Variants in ERC2 observed in about 807,000 individuals in gnomAD.
ERC2 encodes ELKS/RAB6-interacting/CAST family member 2.
ERC2 carries 42 observed loss-of-function variants against 114.8 expected under a neutral mutation model. The observed-to-expected ratio is 0.37, with a 90% CI of 0.29 to 0.47. The LOEUF (loss-of-function observed/expected upper bound fraction) is 0.47, where lower values mean the gene tolerates loss of function less well. ERC2 is among the 20% of genes least tolerant of loss of function. The pLI is 0.99. For missense variants in ERC2, 939 were observed against 1,150.7 expected (o/e 0.82, Z 2.66); for synonymous variants, 454 against 425.5 (o/e 1.07, Z -0.82).
chr3:56,190,816 C>G (rs1410490346), intron 3 of ERC2, among the ~76,000 whole-genome samples: 1 of 152,076 alleles, frequency 6.6e-6, no homozygotes, highest in East Asian at 1.9e-4. Flanking sequence ...TCAAGAGACC[C>G]TCCCACCTCG....
Position 55,645,886 on chromosome 3 carries a change from T to G in ERC2, c.*39+37908A>C, listed in dbSNP as rs17055631. On this transcript the variant is annotated intron_variant, in intron 17 of 17. Transcript: ENST00000288221. ...ACGGTTAGTACAAACTGGTACCAGC[T>G]TGGCGCAAGGAGAAGAGGGCCCTTT... 9.9e-3 allele frequency among the ~76,000 whole-genome samples: 1,514 copies of G among 152,260 alleles called. 29 individuals carry two copies. The highest frequency in any genetic ancestry group is 0.035 in the African/African-American group (1,440 of 41,564).
intron 4 of ERC2, among the ~76,000 whole-genome samples, chr3:56,158,003 C>T (rs552079118): frequency 7.9e-5 from 12 of 152,302 alleles, no homozygotes; most frequent in Non-Finnish European, 1.3e-4. Flanking sequence ...TGAGCACCAG[C>T]AAGGGAGAGG....
intron 14 of ERC2, among the ~76,000 whole-genome samples, chr3:55,884,132 G>C (rs780502981): frequency 3.3e-5 from 5 of 152,078 alleles, no homozygotes; most frequent in Non-Finnish European, 7.3e-5. Flanking sequence ...ACAATCCACA[G>C]GTATTTACAA....
At chr3:55,671,915 G>A (rs765366634) in intron 17 of ERC2, among the ~76,000 whole-genome samples, 7 of 152,182 alleles carry the variant, frequency 4.6e-5, no homozygotes, top group Admixed American at 3.9e-4. Flanking sequence ...CTGTCTCTCT[G>A]GAGTGTGACA....
intron 3 of ERC2, among the ~76,000 whole-genome samples, chr3:56,199,691 T>G (rs1405217752): frequency 6.6e-6 from 1 of 152,048 alleles, no homozygotes; most frequent in Non-Finnish European, 1.5e-5. Context: ...AATTTTTTTG[T>G]AAAGTCAGGG....
intron 2 of ERC2, among the ~76,000 whole-genome samples, chr3:56,375,174 C>T (rs1021378182): frequency 6.6e-6 from 1 of 152,164 alleles, no homozygotes; most frequent in Non-Finnish European, 1.5e-5. Flanking sequence ...AAAAAGTCTC[C>T]AAACTTCTCT....
At chr3:55,713,037 G>T (rs1576264051) in intron 15 of ERC2, among the ~76,000 whole-genome samples, 1 of 150,956 alleles carries the variant, frequency 6.6e-6, no homozygotes, top group Non-Finnish European at 1.5e-5. Flanking sequence ...GCTGTGCAAT[G>T]CTAATGCTCT....
At chr3:56,422,716 GA>G (rs1232372708) in intron 2 of ERC2, among the ~76,000 whole-genome samples, 3 of 152,176 alleles carry the variant, frequency 2.0e-5, no homozygotes, top group Non-Finnish European at 4.4e-5. Flanking sequence ...ACAGTGGAAA[GA>G]GCACAATTTT....
intron 14 of ERC2, among the ~76,000 whole-genome samples, chr3:55,811,535 T>C (rs1161384474): frequency 6.6e-6 from 1 of 152,222 alleles, no homozygotes; most frequent in Non-Finnish European, 1.5e-5. Flanking sequence ...AAAATTAGTC[T>C]ACATTACCTG....
At chr3:55,839,568 T>C (rs2061040903) in intron 14 of ERC2, among the ~76,000 whole-genome samples, 1 of 151,464 alleles carries the variant, frequency 6.6e-6, no homozygotes, top group Admixed American at 6.6e-5. Context: ...AAGAAAAAAA[T>C]GGAAATATAA....
At chr3:56,240,230 T>C (rs1414259563) in intron 3 of ERC2, among the ~76,000 whole-genome samples, 2 of 152,178 alleles carry the variant, frequency 1.3e-5, no homozygotes, top group Non-Finnish European at 2.9e-5. Context: ...ATTGTATCTC[T>C]GAAATTTCAA....
At chr3:56,270,315 G>A (rs2053579669) in intron 3 of ERC2, among the ~76,000 whole-genome samples, 1 of 152,192 alleles carries the variant, frequency 6.6e-6, no homozygotes, top group Non-Finnish European at 1.5e-5. Flanking sequence ...TCCCAAGAGA[G>A]TAGATACTTC....
chr3:56,085,838 A>G (rs1330646021), intron 6 of ERC2, among the ~76,000 whole-genome samples: 1 of 152,172 alleles, frequency 6.6e-6, no homozygotes, highest in African/African-American at 2.4e-5. Context: ...ACTAGGACTC[A>G]GTGTGATTCT....
chr3:56,055,669 C>T (rs1203876538), intron 7 of ERC2, among the ~76,000 whole-genome samples: 1 of 152,196 alleles, frequency 6.6e-6, no homozygotes, highest in African/African-American at 2.4e-5. Context: ...GGCTGGCTTC[C>T]AAATCTGCCA....
At chr3:55,592,803 C>T (rs774076260) in intron 17 of ERC2, among the ~76,000 whole-genome samples, 37 of 152,304 alleles carry the variant, frequency 2.4e-4, no homozygotes, top group Non-Finnish European at 4.9e-4. Context: ...AAAGCCCCCA[C>T]GCAGATCTGC....
At chr3:56,072,567 T>C (rs187373686) in intron 7 of ERC2, among the ~76,000 whole-genome samples, 1 of 152,352 alleles carries the variant, frequency 6.6e-6, no homozygotes, top group Admixed American at 6.5e-5. Context: ...TTAGGCACTG[T>C]ATTAGTTAAA....
intron 15 of ERC2, among the ~76,000 whole-genome samples, chr3:55,719,806 C>T (rs2064344515): frequency 6.6e-6 from 1 of 152,106 alleles, no homozygotes. Context: ...AACCACATCT[C>T]AAGAAGCCTC....
chr3:55,964,244 G>A (rs969332225), intron 12 of ERC2, among the ~76,000 whole-genome samples: 12 of 152,148 alleles, frequency 7.9e-5, no homozygotes, highest in African/African-American at 1.7e-4. Flanking sequence ...AGAAGCAGAC[G>A]CTTAGAGAGG....
At chr3:56,183,560 G>A (rs2083414319) in intron 3 of ERC2, among the ~76,000 whole-genome samples, 1 of 152,220 alleles carries the variant, frequency 6.6e-6, no homozygotes, top group East Asian at 1.9e-4. Flanking sequence ...CAGTCTGGCA[G>A]AATGCCTTCC....
Sources: allele counts gnomAD v4.1 joint callset (sites outside exome capture counted in the v4.1 genomes callset), GRCh38; gene constraint gnomAD v4.1.1; transcripts MANE v1.5; gene names NCBI Gene and HGNC (gene_info 2026-07-23, HGNC 2026-07-21).